THSD4: variants seen among roughly 807,000 people sequenced by gnomAD.
The protein encoded by THSD4 is thrombospondin type 1 domain containing 4.
A neutral mutation model predicts 119.0 loss-of-function variants in THSD4; 69 were observed. The ratio of observed to expected loss-of-function variants is 0.58; its 90% CI spans 0.48 to 0.71. The LOEUF (loss-of-function observed/expected upper bound fraction) is 0.71. THSD4 is among the 30% of genes least tolerant of loss of function. THSD4 has a pLI of 0.00. For missense variants in THSD4, 1,393 were observed against 1,391.1 expected, an observed-to-expected ratio of 1.00 and a Z score of -0.02; for synonymous variants, 524 against 540.4, an observed-to-expected ratio of 0.97 and a Z score of 0.42.
At chr15:71,655,730 C>T (rs527414139) in intron 7 of THSD4, among the ~76,000 whole-genome samples, 44 of 152,304 alleles carry the variant, frequency 2.9e-4, no homozygotes, top group Middle Eastern at 3.4e-3. Flanking sequence ...AGCACAAGAA[C>T]GCATATTCTC....
intron 7 of THSD4, among the ~76,000 whole-genome samples, chr15:71,448,095 C>T (rs1466418834): frequency 6.6e-6 from 1 of 152,164 alleles, no homozygotes; most frequent in Non-Finnish European, 1.5e-5. Flanking sequence ...TGTCAGGGTT[C>T]TGTTAGGGTC....
At chr15:71,110,198 C>A (rs1015367393) in intron 1 of THSD4, 6 of 152,100 alleles carry the variant, frequency 3.9e-5, no homozygotes, top group African/African-American at 1.4e-4. Flanking sequence ...AAGGACAGGA[C>A]CTCATTATGA....
At chr15:71,238,747 A>G (rs2044127293) in intron 4 of THSD4, among the ~76,000 whole-genome samples, 1 of 152,236 alleles carries the variant, frequency 6.6e-6, no homozygotes, top group Admixed American at 6.5e-5. Flanking sequence ...TAATGTAGCT[A>G]TGAACATTCA....
intron 8 of THSD4, among the ~76,000 whole-genome samples, chr15:71,668,596 C>T (rs373656406): frequency 2.6e-5 from 4 of 152,288 alleles, no homozygotes; most frequent in African/African-American, 9.6e-5. Flanking sequence ...CGTCCAAATA[C>T]GGAAAGGAAC....
At chr15:71,318,949 T>C (rs1350798934) in intron 6 of THSD4, among the ~76,000 whole-genome samples, 1 of 152,194 alleles carries the variant, frequency 6.6e-6, no homozygotes, top group Non-Finnish European at 1.5e-5. Context: ...TAATTTGTTT[T>C]ATTTCTCAGA....
intron 7 of THSD4, among the ~76,000 whole-genome samples, chr15:71,633,269 C>CTTTTTTTTTTTTTTTTTTTTTTTTTT (rs67682951): frequency 1.1e-4 from 7 of 63,160 alleles, no homozygotes; most frequent in South Asian, 7.5e-4. Context: ...TTCTTTCTTT[C>CTTTTTTTTTTTTTTTTTTTTTTTTTT]TTTTTTTTTT....
chr15:71,519,541 T>C (rs1282587965), intron 7 of THSD4, among the ~76,000 whole-genome samples: 3 of 152,104 alleles, frequency 2.0e-5, no homozygotes, highest in Admixed American at 1.3e-4. Context: ...TTTGTATTTT[T>C]AATAGAGACA....
intron 3 of THSD4, among the ~76,000 whole-genome samples, chr15:71,156,516 C>T (rs1318186446): frequency 3.9e-5 from 6 of 152,080 alleles, no homozygotes; most frequent in Admixed American, 1.3e-4. Context: ...CCACCCACCT[C>T]GGCCTCCCAA....
intron 3 of THSD4, among the ~76,000 whole-genome samples, chr15:71,181,732 A>G (rs1471542898): frequency 6.6e-6 from 1 of 152,192 alleles, no homozygotes; most frequent in African/African-American, 2.4e-5. Flanking sequence ...TCTCCTGTGG[A>G]GGAGTCTTGG....
intron 6 of THSD4, among the ~76,000 whole-genome samples, chr15:71,299,320 A>G (rs2044912305): frequency 6.6e-6 from 1 of 152,210 alleles, no homozygotes; most frequent in Non-Finnish European, 1.5e-5. Context: ...GGAGAAAGGA[A>G]GACCACTGGA....
At chr15:71,311,345 T>C (rs989603109) in intron 6 of THSD4, among the ~76,000 whole-genome samples, 3 of 152,162 alleles carry the variant, frequency 2.0e-5, no homozygotes, top group Non-Finnish European at 2.9e-5. Flanking sequence ...GGCCTAGAAA[T>C]GTCATCTTAG....
intron 7 of THSD4, among the ~76,000 whole-genome samples, chr15:71,605,439 G>C (rs1251172104): frequency 1.3e-5 from 2 of 152,136 alleles, no homozygotes; most frequent in African/African-American, 2.4e-5. Context: ...TGATCATTCT[G>C]ACTGCCGTGT....
intron 8 of THSD4, among the ~76,000 whole-genome samples, chr15:71,715,657 T>C (rs1215819884): frequency 6.6e-6 from 1 of 152,108 alleles, no homozygotes; most frequent in Non-Finnish European, 1.5e-5. Flanking sequence ...GTTCATAGTA[T>C]AGTAAAATTT....
intron 7 of THSD4, among the ~76,000 whole-genome samples, chr15:71,647,259 A>G (rs750729883): frequency 1.6e-4 from 25 of 152,210 alleles, no homozygotes; most frequent in Non-Finnish European, 3.1e-4. Flanking sequence ...CAGATCTGCT[A>G]TTGCCCTACC....
At chr15:71,758,735 A>C (rs960065715) in intron 15 of THSD4, among the ~76,000 whole-genome samples, 1 of 152,218 alleles carries the variant, frequency 6.6e-6, no homozygotes, top group Admixed American at 6.5e-5. Flanking sequence ...CTGGTTCTCC[A>C]AGGACTGTTT....
intron 3 of THSD4, among the ~76,000 whole-genome samples, chr15:71,206,091 A>C (rs560558249): frequency 2.0e-5 from 3 of 152,220 alleles, no homozygotes; most frequent in Admixed American, 1.3e-4. Flanking sequence ...TTCAAGTCGA[A>C]AGTCTCCTTC....
chr15:71,559,072 A>T (rs1204605403), intron 7 of THSD4, among the ~76,000 whole-genome samples: 3 of 152,160 alleles, frequency 2.0e-5, no homozygotes, highest in African/African-American at 7.2e-5. Flanking sequence ...TTATATTTCT[A>T]TTAAATCAAG....
chr15:71,421,328 T>TG (rs879287259), intron 7 of THSD4, among the ~76,000 whole-genome samples: 12,621 of 69,240 alleles, frequency 0.18, 1,652 homozygotes, highest in Admixed American at 0.24. Context: ...TTCTACTCCC[T>TG]TTAGTATTTC....
At chr15:71,432,429 A>G (rs1348371850) in intron 7 of THSD4, among the ~76,000 whole-genome samples, 1 of 152,012 alleles carries the variant, frequency 6.6e-6, no homozygotes, top group Non-Finnish European at 1.5e-5. Context: ...TAAAACCTTT[A>G]CTCTTTGATA....
Sources: gnomAD v4.1 joint callset for allele counts (sites outside exome capture counted in the v4.1 genomes callset) on GRCh38, gnomAD v4.1.1 for gene constraint, MANE v1.5 for transcripts, NCBI Gene and HGNC (gene_info 2026-07-23, HGNC 2026-07-21) for gene names.